Variants in KPNA5 observed in about 807,000 individuals in gnomAD.
KPNA5 encodes importin subunit alpha-6.
Under a neutral mutation model 71.3 loss-of-function variants are expected in KPNA5, and 46 were observed. The ratio of observed to expected loss-of-function variants is 0.65; its 90% confidence interval spans 0.51 to 0.83. The LOEUF (loss-of-function observed/expected upper bound fraction) is 0.83. Among genes scored for constraint, KPNA5 ranks in the 40% least tolerant of loss-of-function variants. KPNA5 has a pLI of 0.00. For missense variants in KPNA5, 547 were observed against 628.3 expected (o/e 0.87, Z 1.38); for synonymous variants, 207 against 201.4 (o/e 1.03, Z -0.24).
chr6:116,729,542 C>G (rs759447404), intron 12 of KPNA5, 21 bp from the exon 13 acceptor site: 2 of 1,388,186 alleles, frequency 1.4e-6, no homozygotes, highest in Non-Finnish European at 1.9e-6. Context: ...CCTGTTTCTT[C>G]TCTTTTATAT....
chr6:116,719,629 T>G (rs1488368498), intron 8 of KPNA5, among the ~76,000 whole-genome samples: 1 of 152,044 alleles, frequency 6.6e-6, no homozygotes, highest in Non-Finnish European at 1.5e-5. Context: ...AGAGGATGGT[T>G]TGAGCCCAGG....
chr6:116,681,391 T>G (rs1562421662), intron 1 of KPNA5, 53 bp downstream of exon 1: 2 of 1,525,098 alleles, frequency 1.3e-6, no homozygotes, highest in African/African-American at 1.4e-5. Flanking sequence ...TTTGGTCCCT[T>G]TGGGAACTAC....
At chr6:116,701,464 A>G (rs1364717876) in intron 5 of KPNA5, among the ~76,000 whole-genome samples, 2 of 152,174 alleles carry the variant, frequency 1.3e-5, no homozygotes, top group Admixed American at 6.5e-5. Context: ...GAGACTCTGC[A>G]GCTTAAAAAA....
rs1779664582 is a variant in KPNA5 at position 116,736,278 on chromosome 6, A to C, written c.*3955A>C. On this transcript the variant is annotated 3_prime_UTR_variant, in exon 14 of 14. Transcript: ENST00000368564. The stretch of plus-strand genomic sequence containing the variant: ...TTGAAAACATTAGGCTAAGTGAAAG[A>C]AACCAGATTCCATTTATATGAAGTG... 6.6e-6 allele frequency: 1 copy of C among 152,010 alleles called. No homozygotes were observed. The highest frequency in any genetic ancestry group is 1.5e-5 in the Non-Finnish European group (1 of 67,912). The allele number at this position is 152,010 out of a possible 1,614,324, so 9.4% of individuals were successfully genotyped here. A position where few individuals can be genotyped will look rare whatever the true frequency, so the allele number is the denominator to read the frequency against.
At chr6:116,701,571 T>C (rs915761362) in intron 5 of KPNA5, among the ~76,000 whole-genome samples, 4 of 152,180 alleles carry the variant, frequency 2.6e-5, no homozygotes, top group Non-Finnish European at 4.4e-5. Context: ...GTTTCTTAAA[T>C]AGTAGGTTGA....
At chr6:116,721,179 T>C (rs1230515522) in intron 8 of KPNA5, among the ~76,000 whole-genome samples, 1 of 152,178 alleles carries the variant, frequency 6.6e-6, no homozygotes, top group Non-Finnish European at 1.5e-5. Flanking sequence ...AGATGGTAAC[T>C]GCTTTCAGAA....
intron 1 of KPNA5, among the ~76,000 whole-genome samples, chr6:116,684,024 T>C (rs1324228055): frequency 6.8e-6 from 1 of 146,912 alleles, no homozygotes; most frequent in Non-Finnish European, 1.5e-5. Flanking sequence ...GCAATTCTCC[T>C]GCCTCAGCCT....
chr6:116,708,701 G>C (rs1778538963), intron 7 of KPNA5, among the ~76,000 whole-genome samples: 1 of 152,134 alleles, frequency 6.6e-6, no homozygotes, highest in Non-Finnish European at 1.5e-5. Flanking sequence ...AAATGTAAAT[G>C]AAATTGTTTT....
intron 2 of KPNA5, among the ~76,000 whole-genome samples, chr6:116,690,660 G>T (rs952323032): frequency 6.8e-6 from 1 of 147,314 alleles, no homozygotes; most frequent in African/African-American, 2.5e-5. Flanking sequence ...AAAAAAAAAA[G>T]AAGAACGATA....
rs760115321 is a variant in KPNA5, at chr6:116,698,726, A to G, written c.363A>G (p.Gln121=). The part of the protein sequence containing the change: ...LSKEPNPPID[Q]VIQKPGVVQR... ...TAGAACCTAATCCACCAATAGATCA[A>G]GTTATACAGAAACCAGGAGTTGTAC... Residue 121 remains glutamine, a synonymous_variant, in exon 5 of 14, where the codon CAA becomes CAG. Transcript: ENST00000368564. The G allele has an allele frequency of 4.4e-6, 7 of 1,593,610 alleles. No homozygotes were observed. The highest frequency in any genetic ancestry group is 1.7e-4 in the Middle Eastern group (1 of 6,008).
At chr6:116,704,968 A>G in intron 6 of KPNA5, 104 bp from the exon 7 acceptor site, 1 of 643,060 alleles carries the variant, frequency 1.6e-6, no homozygotes, top group Non-Finnish European at 2.6e-6. Flanking sequence ...TTTTTTTAAC[A>G]TATCAGAAAC....
rs1779801309 is a variant in KPNA5 at position 116,739,758 on chromosome 6, A to G, written c.*7435A>G. 1 of 151,760 alleles carries G rather than the reference A, an allele frequency of 6.6e-6. No individual in the cohort carries two copies. Among genetic ancestry groups the G allele is most frequent in the Admixed American group, 6.6e-5 (1 of 15,250 alleles). The allele number at this position is 151,760 out of a possible 1,614,324, so 9.4% of individuals were successfully genotyped here. A position where few individuals can be genotyped will look rare whatever the true frequency, so the allele number is the denominator to read the frequency against. ...ACAAGCAATGGGGAAAGGATTCCCTATTTAATAAATGGTGCTGGGAAAACT... is the reference window on the plus strand; with the variant it reads ...ACAAGCAATGGGGAAAGGATTCCCTGTTTAATAAATGGTGCTGGGAAAACT... On this transcript the variant is annotated 3_prime_UTR_variant, in exon 14 of 14. Coordinates refer to ENST00000368564, the MANE Select transcript of KPNA5 (RefSeq NM_001366306.2).
intron 4 of KPNA5, 93 bp downstream of exon 4, chr6:116,692,485 T>G (rs1209228672): frequency 7.7e-6 from 6 of 777,490 alleles, no homozygotes; most frequent in Non-Finnish European, 4.2e-6. Context: ...AAAATACCTT[T>G]CTTTGCTAGA....
intron 1 of KPNA5, among the ~76,000 whole-genome samples, chr6:116,686,781 TG>T (rs1344287776): frequency 2.0e-5 from 3 of 152,248 alleles, no homozygotes; most frequent in Admixed American, 1.3e-4. Flanking sequence ...CACCATTTAT[TG>T]AATAGGGAGT....
intron 12 of KPNA5, 59 bp from the exon 13 acceptor site, chr6:116,729,504 T>C: frequency 9.1e-7 from 1 of 1,098,190 alleles, no homozygotes; most frequent in South Asian, 2.8e-5. Context: ...TTACAAACAG[T>C]ACTTAAGTCT....
chr6:116,703,917 CA>C (rs1439852313), intron 6 of KPNA5, among the ~76,000 whole-genome samples: 2 of 152,172 alleles, frequency 1.3e-5, no homozygotes, highest in African/African-American at 4.8e-5. Flanking sequence ...CTGAGAAATA[CA>C]TTTTCATCAT....
At position 116,722,744 on chromosome 6, in the gene KPNA5, G is replaced by A. The variant is rs555963621; in HGVS notation, c.920+455G>A. ...TATTAAAGATAACATGTTTCTCTTT[G>A]CTGGGCTGTTATAGCTATTTTCCTT... is the stretch of plus-strand genomic sequence containing the variant. On this transcript the variant is annotated intron_variant, in intron 9 of 13. Transcript: ENST00000368564. Among the ~76,000 whole-genome samples the A allele has an allele frequency of 3.3e-5, 5 of 152,218 alleles. No homozygotes were observed. The East Asian group carries it at 7.7e-4, about 23-fold the overall frequency.
chr6:116,732,176 G>C lies in KPNA5; in HGVS notation c.1473G>C (p.Gln491His). 2 of 1,543,720 alleles carry C rather than the reference G, an allele frequency of 1.3e-6. No individual in the cohort carries two copies. The highest frequency in any genetic ancestry group is 1.7e-6 in the Non-Finnish European group (2 of 1,146,308). ...KIEFLQSHEN[Q>H]EIYQKAFDLI... is the part of the protein sequence containing the mutation. Reference sequence around the variant, plus strand: ...AGTTTTTGCAAAGCCATGAAAATCAGGAAATTTACCAGAAGGCATTTGATC... The same window carrying C: ...AGTTTTTGCAAAGCCATGAAAATCACGAAATTTACCAGAAGGCATTTGATC... The change falls in exon 14 of 14, where the codon CAG becomes CAC. Residue 491 changes from glutamine to histidine, a missense_variant. Coordinates refer to ENST00000368564, the MANE Select transcript of KPNA5 (RefSeq NM_001366306.2).
intron 7 of KPNA5, among the ~76,000 whole-genome samples, chr6:116,711,538 A>ATGTGTGTGTGTGTGTGTGTG (rs143357784): frequency 5.1e-4 from 73 of 143,550 alleles, no homozygotes; most frequent in African/African-American, 1.8e-3. Flanking sequence ...TTTTCTGCAT[A>ATGTGTGTGTGTGTGTGTGTG]TGTGTGTGTG....
Sources: gnomAD v4.1 joint callset for allele counts (sites outside exome capture counted in the v4.1 genomes callset) on GRCh38, gnomAD v4.1.1 for gene constraint, MANE v1.5 for transcripts, NCBI Gene and HGNC (gene_info 2026-07-23, HGNC 2026-07-21) for gene names.